The following EDIL3 variants were observed in gnomAD, a reference collection of about 807,000 sequenced individuals.
EDIL3 encodes EGF like and discoidin domains 3.
In EDIL3, 37 loss-of-function variants were observed where a neutral mutation model predicts 67.4. The ratio of observed to expected loss-of-function variants is 0.55; its 90% CI spans 0.42 to 0.72. The LOEUF (loss-of-function observed/expected upper bound fraction) is 0.72, where lower values mean the gene tolerates loss of function less well. EDIL3 is among the 30% of genes least tolerant of loss of function. The pLI, the probability that EDIL3 is intolerant of heterozygous loss-of-function variation, is 0.00. For missense variants in EDIL3, 527 were observed against 586.3 expected (o/e 0.90, Z 1.04); for synonymous variants, 195 against 196.3 (o/e 0.99, Z 0.05).
chr5:84,356,889 C>CTTTT (rs1189590387), intron 1 of EDIL3, among the ~76,000 whole-genome samples: 692 of 32,086 alleles, frequency 0.022, 30 homozygotes, highest in Non-Finnish European at 0.03. Context: ...ATCTTTCTTT[C>CTTTT]TTTTTTTTTT....
intron 3 of EDIL3, among the ~76,000 whole-genome samples, chr5:84,197,206 A>C (rs934709442): frequency 6.6e-6 from 1 of 152,040 alleles, no homozygotes; most frequent in Non-Finnish European, 1.5e-5. Context: ...TAGACAAATA[A>C]ATAGGCAACT....
At chr5:84,145,531 A>C (rs899622869) in intron 4 of EDIL3, among the ~76,000 whole-genome samples, 3 of 152,106 alleles carry the variant, frequency 2.0e-5, no homozygotes, top group Non-Finnish European at 4.4e-5. Context: ...ATAGATCTGC[A>C]TTTTAGAAGC....
At chr5:84,056,128 A>G (rs1293996911) in intron 9 of EDIL3, among the ~76,000 whole-genome samples, 1 of 152,184 alleles carries the variant, frequency 6.6e-6, no homozygotes, top group African/African-American at 2.4e-5. Context: ...TACACCATGG[A>G]ATACTAGGCA....
At chr5:84,238,371 T>A (rs777156194) in intron 2 of EDIL3, among the ~76,000 whole-genome samples, 4 of 152,126 alleles carry the variant, frequency 2.6e-5, no homozygotes, top group Admixed American at 2.6e-4. Context: ...AATTAAAATA[T>A]ATTTTGAAAT....
At chr5:84,273,049 G>T (rs533881179) in intron 1 of EDIL3, among the ~76,000 whole-genome samples, 1 of 152,056 alleles carries the variant, frequency 6.6e-6, no homozygotes, top group Non-Finnish European at 1.5e-5. Context: ...GTTAGGATCA[G>T]AGGCATTTTT....
chr5:84,225,693 T>C (rs1015614627), intron 3 of EDIL3, among the ~76,000 whole-genome samples: 2 of 151,634 alleles, frequency 1.3e-5, no homozygotes, highest in East Asian at 3.9e-4. Flanking sequence ...ACTTTAAAAA[T>C]AGTTCTAAAC....
intron 1 of EDIL3, among the ~76,000 whole-genome samples, chr5:84,338,331 G>A (rs896839016): frequency 6.6e-6 from 1 of 152,230 alleles, no homozygotes; most frequent in East Asian, 1.9e-4. Flanking sequence ...GCGCTTATGC[G>A]ACTTGGTGGA....
chr5:84,377,601 C>T (rs1378944396), intron 1 of EDIL3, among the ~76,000 whole-genome samples: 2 of 152,046 alleles, frequency 1.3e-5, no homozygotes, highest in Non-Finnish European at 2.9e-5. Flanking sequence ...CAAAATATAC[C>T]ACTTTGTTAA....
intron 9 of EDIL3, among the ~76,000 whole-genome samples, chr5:84,029,697 A>C (rs971579441): frequency 6.6e-6 from 1 of 152,180 alleles, no homozygotes; most frequent in African/African-American, 2.4e-5. Flanking sequence ...TAACAGCAAG[A>C]AAAACTTCTA....
At chr5:83,976,386 A>G (rs1261052630) in intron 9 of EDIL3, among the ~76,000 whole-genome samples, 1 of 151,870 alleles carries the variant, frequency 6.6e-6, no homozygotes, top group African/African-American at 2.4e-5. Flanking sequence ...TGTATTTTCA[A>G]GAGGGAAATA....
intron 1 of EDIL3, among the ~76,000 whole-genome samples, chr5:84,346,188 T>C (rs1379445414): frequency 2.1e-5 from 3 of 144,308 alleles, no homozygotes; most frequent in Non-Finnish European, 3.0e-5. Flanking sequence ...CAGGCTGGAG[T>C]GCAGTGGTGC....
In EDIL3 at chr5:84,306,032, G is replaced by GA. The variant is rs906126465; in HGVS notation, c.68-51821dup. Among the ~76,000 whole-genome samples the GA allele has an allele frequency of 1.5e-3, 227 of 148,194 alleles. 1 individual carries two copies. The highest frequency in any genetic ancestry group is 5.2e-3 in the African/African-American group (209 of 40,496). ...ACAAATTCCTGTTCAGTCTTAAGGA[G>GA]AAAAAAAAAAGTCTCTCCTTTAGGG... On this transcript the variant is annotated intron_variant, in intron 1 of 10. Coordinates refer to ENST00000296591, the MANE Select transcript of EDIL3 (RefSeq NM_005711.5).
At chr5:84,129,261 T>C (rs1168055341) in intron 5 of EDIL3, among the ~76,000 whole-genome samples, 1 of 152,162 alleles carries the variant, frequency 6.6e-6, no homozygotes, top group African/African-American at 2.4e-5. Flanking sequence ...AACGTTGAAA[T>C]TGTTTCTTTC....
intron 3 of EDIL3, among the ~76,000 whole-genome samples, chr5:84,188,039 G>T (rs948442113): frequency 1.3e-5 from 2 of 151,872 alleles, no homozygotes; most frequent in East Asian, 3.9e-4. Flanking sequence ...AAAGCATTTG[G>T]ATAGATTATA....
chr5:84,082,505 G>A (rs1396821701), intron 6 of EDIL3, among the ~76,000 whole-genome samples: 1 of 152,150 alleles, frequency 6.6e-6, no homozygotes, highest in Non-Finnish European at 1.5e-5. Flanking sequence ...TAAACAGAAG[G>A]AGTGGCTGCC....
chr5:84,226,457 A>G (rs1289413106), intron 3 of EDIL3, among the ~76,000 whole-genome samples: 1 of 151,824 alleles, frequency 6.6e-6, no homozygotes, highest in African/African-American at 2.4e-5. Context: ...ATTCAGGGCA[A>G]GAGATACTAA....
intron 9 of EDIL3, among the ~76,000 whole-genome samples, chr5:84,021,046 A>C (rs577103251): frequency 1.3e-5 from 2 of 152,208 alleles, no homozygotes; most frequent in Admixed American, 1.3e-4. Flanking sequence ...AATCGAAAAG[A>C]AATACATTAA....
chr5:84,146,096 A>T (rs1179600398), intron 4 of EDIL3, among the ~76,000 whole-genome samples: 2 of 152,062 alleles, frequency 1.3e-5, no homozygotes, highest in Non-Finnish European at 2.9e-5. Context: ...TAATACAAGT[A>T]TAGCCAAACA....
intron 10 of EDIL3, among the ~76,000 whole-genome samples, chr5:83,961,887 G>A (rs984445493): frequency 6.6e-6 from 1 of 151,202 alleles, no homozygotes; most frequent in Admixed American, 6.6e-5. Context: ...GTTCATCTAC[G>A]AAAGAATAAG....
Sources: allele counts gnomAD v4.1 joint callset (sites outside exome capture counted in the v4.1 genomes callset), GRCh38; gene constraint gnomAD v4.1.1; transcripts MANE v1.5; gene names NCBI Gene and HGNC (gene_info 2026-07-23, HGNC 2026-07-21).